NPAS3: variants seen among roughly 807,000 people sequenced by gnomAD.
The protein encoded by NPAS3 is neuronal PAS domain-containing protein 3.
In NPAS3, 14 loss-of-function variants were observed where a neutral mutation model predicts 73.1. That is an observed-to-expected ratio of 0.19 (90% CI 0.13 to 0.30). The LOEUF (loss-of-function observed/expected upper bound fraction) is 0.30. Ranked by LOEUF, NPAS3 falls within the 10% of genes least tolerant of loss-of-function variation. NPAS3 has a pLI of 1.00. For missense variants in NPAS3, 1,096 were observed against 1,250.0 expected (o/e 0.88, Z 1.86); for synonymous variants, 620 against 541.5 (o/e 1.14, Z -2.01).
intron 5 of NPAS3, among the ~76,000 whole-genome samples, chr14:33,654,054 T>A (rs924499370): frequency 6.6e-6 from 1 of 152,184 alleles, no homozygotes; most frequent in Non-Finnish European, 1.5e-5. Context: ...ATTTTCTACA[T>A]AGTAATGCAT....
intron 6 of NPAS3, among the ~76,000 whole-genome samples, chr14:33,708,784 T>A (rs548232354): frequency 2.0e-5 from 3 of 152,222 alleles, no homozygotes; most frequent in South Asian, 2.1e-4. Context: ...CAAAGGGCAA[T>A]GCATCTCTGA....
intron 1 of NPAS3, among the ~76,000 whole-genome samples, chr14:32,971,291 G>A (rs949163844): frequency 1.3e-5 from 2 of 151,918 alleles, no homozygotes; most frequent in Non-Finnish European, 2.9e-5. Flanking sequence ...CACCATGTTA[G>A]CCAGGCTGGT....
intron 1 of NPAS3, among the ~76,000 whole-genome samples, chr14:32,975,218 AC>A (rs1261920260): frequency 6.6e-6 from 1 of 151,654 alleles, no homozygotes; most frequent in Non-Finnish European, 1.5e-5. Flanking sequence ...ACTTGCATTA[AC>A]AGTTGGCTGA....
chr14:33,774,013 G>A (rs2062734930), intron 7 of NPAS3, among the ~76,000 whole-genome samples: 1 of 152,108 alleles, frequency 6.6e-6, no homozygotes, highest in South Asian at 2.1e-4. Context: ...TAATGCACAT[G>A]TTTCCTTTTG....
At chr14:33,689,363 G>A (rs929367985) in intron 6 of NPAS3, among the ~76,000 whole-genome samples, 4 of 152,124 alleles carry the variant, frequency 2.6e-5, no homozygotes, top group Admixed American at 1.3e-4. Flanking sequence ...ACAGTAGTAC[G>A]GCACAGAGTC....
At chr14:33,782,471 T>A (rs547968548) in intron 9 of NPAS3, among the ~76,000 whole-genome samples, 55 of 152,316 alleles carry the variant, frequency 3.6e-4, no homozygotes, top group African/African-American at 1.2e-3. Flanking sequence ...ATCCAGCCCT[T>A]TGTCTAGAGA....
intron 2 of NPAS3, among the ~76,000 whole-genome samples, chr14:33,079,950 T>C (rs1397281038): frequency 6.6e-6 from 1 of 151,890 alleles, no homozygotes; most frequent in East Asian, 2.0e-4. Flanking sequence ...AGGCACTGAA[T>C]TTTTCCTGTG....
At chr14:33,251,888 T>A (rs902770593) in intron 3 of NPAS3, among the ~76,000 whole-genome samples, 4 of 152,118 alleles carry the variant, frequency 2.6e-5, no homozygotes, top group African/African-American at 9.6e-5. Flanking sequence ...TTTCTCTTTT[T>A]TTTAGAGGGG....
intron 9 of NPAS3, among the ~76,000 whole-genome samples, chr14:33,783,106 C>G (rs2063032433): frequency 6.6e-6 from 1 of 152,206 alleles, no homozygotes; most frequent in Admixed American, 6.5e-5. Flanking sequence ...AGTAAGTGCC[C>G]TGCCTGCCTA....
At chr14:33,652,051 A>G (rs1308924774) in intron 5 of NPAS3, among the ~76,000 whole-genome samples, 1 of 152,200 alleles carries the variant, frequency 6.6e-6, no homozygotes, top group East Asian at 1.9e-4. Flanking sequence ...TTTGACAAAT[A>G]CGGTTAAAAA....
intron 6 of NPAS3, among the ~76,000 whole-genome samples, chr14:33,721,791 C>A (rs2061120249): frequency 6.6e-6 from 1 of 152,204 alleles, no homozygotes. Flanking sequence ...ATGATCTGAA[C>A]CTTTACGTCA....
intron 2 of NPAS3, among the ~76,000 whole-genome samples, chr14:33,067,130 T>G (rs2041309138): frequency 6.6e-6 from 1 of 152,222 alleles, no homozygotes; most frequent in Admixed American, 6.5e-5. Context: ...CCGGTCTGTG[T>G]GGCCCAGCAC....
At chr14:33,022,098 C>A (rs2039618679) in intron 1 of NPAS3, among the ~76,000 whole-genome samples, 1 of 152,188 alleles carries the variant, frequency 6.6e-6, no homozygotes, top group Admixed American at 6.5e-5. Flanking sequence ...TAGCCTCCTG[C>A]TCACCTACTG....
At chr14:33,277,984 G>T (rs2041413700) in intron 3 of NPAS3, among the ~76,000 whole-genome samples, 1 of 152,110 alleles carries the variant, frequency 6.6e-6, no homozygotes, top group African/African-American at 2.4e-5. Flanking sequence ...CAGAGGTTCG[G>T]GTGAGAGAGA....
chr14:33,781,663 G>A (rs10143711), intron 9 of NPAS3, among the ~76,000 whole-genome samples: 20,314 of 152,182 alleles, frequency 0.13, 1,492 homozygotes, highest in South Asian at 0.21. Context: ...AGAGCTATTG[G>A]CACAATTCCT....
chr14:33,633,033 TA>T (rs1044752085), intron 5 of NPAS3, among the ~76,000 whole-genome samples: 3 of 152,034 alleles, frequency 2.0e-5, no homozygotes, highest in Admixed American at 6.6e-5. Context: ...CCCGTAACAA[TA>T]AAAAATAACA....
At chr14:33,762,915 T>G (rs1382726043) in intron 7 of NPAS3, among the ~76,000 whole-genome samples, 1 of 152,134 alleles carries the variant, frequency 6.6e-6, no homozygotes, top group Non-Finnish European at 1.5e-5. Flanking sequence ...ATCGAATCAT[T>G]TATATAGAGA....
chr14:32,937,746 A>T (rs770431213), upstream of NPAS3, among the ~76,000 whole-genome samples: 1 of 152,150 alleles, frequency 6.6e-6, no homozygotes, highest in African/African-American at 2.4e-5. Context: ...GCAGAACCTC[A>T]CACAGGACTG....
chr14:33,227,650 G>A (rs1230318966), intron 3 of NPAS3, among the ~76,000 whole-genome samples: 1 of 152,128 alleles, frequency 6.6e-6, no homozygotes, highest in South Asian at 2.1e-4. Flanking sequence ...ATTCATGAGG[G>A]TTCCGCCCTC....
Sources: allele counts gnomAD v4.1 joint callset (sites outside exome capture counted in the v4.1 genomes callset), GRCh38; gene constraint gnomAD v4.1.1; transcripts MANE v1.5; gene names NCBI Gene and HGNC (gene_info 2026-07-23, HGNC 2026-07-21).